Variants in ANKRD36 observed in about 807,000 individuals in gnomAD.
ANKRD36 encodes the protein ankyrin repeat domain-containing protein 36A.
ANKRD36 carries 179 observed loss-of-function variants against 278.1 expected under a neutral mutation model. The ratio of observed to expected loss-of-function variants is 0.64; its 90% CI spans 0.57 to 0.73. ANKRD36 has a LOEUF of 0.73. ANKRD36 is among the 30% of genes least tolerant of loss of function. The pLI, the probability that ANKRD36 is intolerant of heterozygous loss-of-function variation, is 0.00. For missense variants in ANKRD36, 1,159 were observed against 1,956.7 expected, an observed-to-expected ratio of 0.59 and a Z score of 7.69; for synonymous variants, 320 against 641.1, an observed-to-expected ratio of 0.50 and a Z score of 7.57.
At chr2:97,146,544 A>C in intron 11 of ANKRD36, 28 bp downstream of exon 11, 1 of 1,491,504 alleles carries the variant, frequency 6.7e-7, no homozygotes, top group Non-Finnish European at 9.0e-7. Context: ...TTTTAAAGTG[A>C]TATGTTAACT....
intron 15 of ANKRD36, among the ~76,000 whole-genome samples, chr2:97,157,438 A>C (rs1258518805): frequency 1.4e-5 from 2 of 142,436 alleles, no homozygotes; most frequent in Non-Finnish European, 3.0e-5. Flanking sequence ...TGCAGACCGC[A>C]TGTCTTTAGT....
At chr2:97,147,230 G>A (rs2044503158) in intron 11 of ANKRD36, among the ~76,000 whole-genome samples, 1 of 151,820 alleles carries the variant, frequency 6.6e-6, no homozygotes, top group East Asian at 2.0e-4. Flanking sequence ...CTTTAAGTGA[G>A]CACCCTGCCT....
At chr2:97,131,437 G>C (rs548636037) in intron 6 of ANKRD36, among the ~76,000 whole-genome samples, 1 of 152,058 alleles carries the variant, frequency 6.6e-6, no homozygotes, top group East Asian at 1.9e-4. Context: ...GGCTTCAAGT[G>C]ATCCTCCTGC....
At chr2:97,133,291 C>T (rs1359110176) in intron 6 of ANKRD36, among the ~76,000 whole-genome samples, 1 of 151,878 alleles carries the variant, frequency 6.6e-6, no homozygotes, top group Non-Finnish European at 1.5e-5. Flanking sequence ...GCGTCAGTTG[C>T]AACTTAATAT....
At chr2:97,260,395 TACACAC>T (rs1266766001) in intron 75 of ANKRD36, among the ~76,000 whole-genome samples, 1 of 131,664 alleles carries the variant, frequency 7.6e-6, no homozygotes, top group African/African-American at 2.8e-5. Flanking sequence ...CATATATACA[TACACAC>T]ACATACACAT....
intron 66 of ANKRD36, among the ~76,000 whole-genome samples, chr2:97,223,131 T>C (rs1365031885): frequency 6.7e-6 from 1 of 148,308 alleles, no homozygotes; most frequent in African/African-American, 2.5e-5. Context: ...GACAGAGTCT[T>C]GCTCTGTCTC....
chr2:97,188,634 C>A (rs2057942238), intron 32 of ANKRD36, among the ~76,000 whole-genome samples: 1 of 89,124 alleles, frequency 1.1e-5, no homozygotes, highest in Admixed American at 9.9e-5. Flanking sequence ...AACTGTGTGC[C>A]TTCTCAGTTA....
At chr2:97,172,021 C>T (rs2052700565) in intron 22 of ANKRD36, among the ~76,000 whole-genome samples, 1 of 152,026 alleles carries the variant, frequency 6.6e-6, no homozygotes, top group African/African-American at 2.4e-5. Flanking sequence ...GCTTTCCTGA[C>T]TCTTTGGTAG....
chr2:97,130,747 T>C (rs1443683733), intron 6 of ANKRD36, among the ~76,000 whole-genome samples: 1 of 152,124 alleles, frequency 6.6e-6, no homozygotes, highest in African/African-American at 2.4e-5. Context: ...CATGACCTCT[T>C]GTAATATCTC....
intron 75 of ANKRD36, among the ~76,000 whole-genome samples, chr2:97,260,294 A>G (rs1223802520): frequency 5.3e-5 from 6 of 112,948 alleles, no homozygotes; most frequent in South Asian, 7.9e-4. Context: ...GTACAACTCC[A>G]TCAGAGCTCT....
At chr2:97,197,372 C>A (rs2060067474) in intron 42 of ANKRD36, among the ~76,000 whole-genome samples, 1 of 151,944 alleles carries the variant, frequency 6.6e-6, no homozygotes, top group South Asian at 2.1e-4. Flanking sequence ...TTGATTTTGG[C>A]TGCTGCAGGA....
chr2:97,220,928 T>A (rs1207694638), intron 66 of ANKRD36, among the ~76,000 whole-genome samples: 1 of 67,544 alleles, frequency 1.5e-5, no homozygotes, highest in African/African-American at 6.7e-5. Context: ...CCCTCCCCCC[T>A]CCCCCGACCC....
Position 97,192,833 on chromosome 2 carries a change from A to G in ANKRD36, c.2348-25A>G, listed in dbSNP as rs543267213. 46 of 1,596,918 alleles carry G rather than the reference A, an allele frequency of 2.9e-5. 3 individuals carry two copies. The Admixed American group carries it at 7.2e-4, about 25-fold the overall frequency. On this transcript the variant is annotated intron_variant, in intron 36 of 75. Coordinates refer to ENST00000420699, the MANE Select transcript of ANKRD36 (RefSeq NM_001354587.1). ...ACTTTGTCATAGTTACATATGAGTG[A>G]TTATGTATCCCTTTTGCTTTTCAGT...
At chr2:97,184,687 C>G (rs527642870) in intron 28 of ANKRD36, among the ~76,000 whole-genome samples, 2 of 151,760 alleles carry the variant, frequency 1.3e-5, no homozygotes, top group South Asian at 2.1e-4. Flanking sequence ...AAGAAAATTA[C>G]TGAAGGCTAA....
At position 97,185,637 on chromosome 2, in the gene ANKRD36, A is replaced by C. The variant is rs1397503298; in HGVS notation, c.2041+127A>C. The C allele has an allele frequency of 8.9e-6, 11 of 1,232,066 alleles. No homozygotes were observed. In the African/African-American group the frequency reaches 1.7e-4, roughly 19 times the overall value. The allele number at this position is 1,232,066 out of a possible 1,614,324, so 76.3% of individuals were successfully genotyped here. On this transcript the variant is annotated intron_variant, in intron 30 of 75. Transcript: ENST00000420699. ...TGATTCAGCAGGCCCGAGATTCTTCATTTGTAATAAGTTCTCGGGTGATGC... is the reference window on the plus strand; with the variant it reads ...TGATTCAGCAGGCCCGAGATTCTTCCTTTGTAATAAGTTCTCGGGTGATGC...
At chr2:97,213,044 A>G in intron 58 of ANKRD36, 2 of 492,540 alleles carry the variant, frequency 4.1e-6, no homozygotes, top group South Asian at 2.3e-5. Flanking sequence ...GATTTCTTGC[A>G]TGGAAGACAT....
chr2:97,157,360 T>C (rs2153479494), intron 15 of ANKRD36, among the ~76,000 whole-genome samples: 1 of 151,420 alleles, frequency 6.6e-6, no homozygotes, highest in South Asian at 2.1e-4. Flanking sequence ...GTCATGTCTC[T>C]TTTTTTGTTT....
At chr2:97,210,078 A>G (rs1477636933) in intron 56 of ANKRD36, among the ~76,000 whole-genome samples, 2 of 151,834 alleles carry the variant, frequency 1.3e-5, no homozygotes, top group African/African-American at 4.8e-5. Context: ...CCTTCCCCAC[A>G]TTGAAATTGG....
intron 22 of ANKRD36, among the ~76,000 whole-genome samples, chr2:97,170,874 T>C (rs1433347554): frequency 6.8e-6 from 1 of 147,234 alleles, no homozygotes; most frequent in Non-Finnish European, 1.5e-5. Context: ...AACAACCCCA[T>C]CAAAAAGTGG....
Sources: allele counts gnomAD v4.1 joint callset (sites outside exome capture counted in the v4.1 genomes callset), GRCh38; gene constraint gnomAD v4.1.1; transcripts MANE v1.5; gene names NCBI Gene and HGNC (gene_info 2026-07-23, HGNC 2026-07-21).